IL12RB2: variants seen among roughly 807,000 people sequenced by gnomAD.
IL12RB2 encodes the protein interleukin-12 receptor subunit beta-2.
In IL12RB2, 82 loss-of-function variants were observed where a neutral mutation model predicts 89.4. The ratio of observed to expected loss-of-function variants is 0.92; its 90% CI spans 0.77 to 1.10. IL12RB2 has a LOEUF of 1.10. Among genes scored for constraint, IL12RB2 ranks in the 50% least tolerant of loss-of-function variants. The pLI, the probability that IL12RB2 is intolerant of heterozygous loss-of-function variation, is 0.00. For synonymous variants in IL12RB2, 368 were observed against 370.1 expected (o/e 0.99, Z 0.07); for missense variants, 963 against 1,031.9 (o/e 0.93, Z 0.92).
chr1:67,324,053 C>T (rs1330461406), intron 4 of IL12RB2, among the ~76,000 whole-genome samples: 1 of 151,994 alleles, frequency 6.6e-6, no homozygotes, highest in African/African-American at 2.4e-5. Context: ...ATTACTAATT[C>T]TAAGAGTAAA....
intron 11 of IL12RB2, 112 bp downstream of exon 11, chr1:67,368,137 G>A: frequency 1.4e-6 from 1 of 736,282 alleles, no homozygotes; most frequent in Non-Finnish European, 2.4e-6. Flanking sequence ...TACATGATGA[G>A]AGAGACTGAT....
intron 10 of IL12RB2, among the ~76,000 whole-genome samples, chr1:67,361,816 A>G (rs945231043): frequency 4.6e-5 from 7 of 152,152 alleles, no homozygotes; most frequent in African/African-American, 1.7e-4. Flanking sequence ...AAAGAACACC[A>G]AACAGGGTAA....
chr1:67,372,892 G>A (rs1035016877), intron 13 of IL12RB2, 109 bp downstream of exon 13: 4 of 798,116 alleles, frequency 5.0e-6, no homozygotes, highest in Non-Finnish European at 9.1e-6. Context: ...GCAATGCCTG[G>A]CATATAGTAA....
Position 67,330,679 on chromosome 1 carries a change from A to G in IL12RB2, c.827A>G (p.Lys276Arg). 1 of 1,552,412 alleles carries G rather than the reference A, an allele frequency of 6.4e-7. No individual in the cohort carries two copies. The highest frequency in any genetic ancestry group is 8.9e-7 in the Non-Finnish European group (1 of 1,123,822). Residue 276 changes from lysine to arginine, a missense_variant, in exon 8 of 17, where the codon AAA becomes AGA. Physicochemically the swap from Lys to Arg is conservative, Grantham distance 26. Coordinates refer to ENST00000674203, the MANE Select transcript of IL12RB2 (RefSeq NM_001374259.2). Reference sequence around the variant, plus strand: ...TTCAAGGTTAATGTTACAAAGGCCAAAGGAAGACATGATTTGCTGGATCTG... The same window carrying G: ...TTCAAGGTTAATGTTACAAAGGCCAGAGGAAGACATGATTTGCTGGATCTG... The part of the protein sequence containing the change: ...LWNMVNVTKA[K>R]GRHDLLDLKP...
chr1:67,347,655 T>A (rs1434462838), intron 9 of IL12RB2, among the ~76,000 whole-genome samples: 2 of 152,118 alleles, frequency 1.3e-5, no homozygotes, highest in East Asian at 3.9e-4. Context: ...TTCCCACAGG[T>A]CAGAGCAGAA....
intron 10 of IL12RB2, among the ~76,000 whole-genome samples, chr1:67,352,589 A>G (rs565392135): frequency 1.6e-4 from 24 of 152,346 alleles, no homozygotes; most frequent in Admixed American, 1.2e-3. Context: ...AGGCTCAAAA[A>G]TATATTAAGG....
chr1:67,329,279 G>A (rs1015138121), intron 6 of IL12RB2, among the ~76,000 whole-genome samples: 1 of 152,128 alleles, frequency 6.6e-6, no homozygotes, highest in Non-Finnish European at 1.5e-5. Flanking sequence ...CTTGGGTTTG[G>A]CACATTGGTT....
intron 9 of IL12RB2, among the ~76,000 whole-genome samples, chr1:67,345,454 T>G (rs1479641155): frequency 6.6e-6 from 1 of 152,180 alleles, no homozygotes; most frequent in Non-Finnish European, 1.5e-5. Flanking sequence ...TGCACTGAAG[T>G]GATGAATTCT....
intron 16 of IL12RB2, among the ~76,000 whole-genome samples, chr1:67,393,253 A>G (rs567389611): frequency 1.3e-4 from 20 of 152,318 alleles, no homozygotes; most frequent in African/African-American, 4.6e-4. Flanking sequence ...CTCTGAAGGA[A>G]AAGGCCAAAT....
intron 11 of IL12RB2, among the ~76,000 whole-genome samples, 179 bp downstream of exon 11, chr1:67,368,204 A>G (rs74083604): frequency 1.6e-3 from 238 of 152,352 alleles, no homozygotes; most frequent in African/African-American, 5.2e-3. Flanking sequence ...ATAAATGACC[A>G]ACTGGTTGAC....
At chr1:67,389,430 T>G (rs1665571590) in intron 15 of IL12RB2, among the ~76,000 whole-genome samples, 1 of 152,244 alleles carries the variant, frequency 6.6e-6, no homozygotes, top group African/African-American at 2.4e-5. Flanking sequence ...TCACATGCAT[T>G]TATAAGAAAT....
chr1:67,394,339 C>A (rs1188707649), intron 16 of IL12RB2, among the ~76,000 whole-genome samples: 1 of 151,908 alleles, frequency 6.6e-6, no homozygotes, highest in African/African-American at 2.4e-5. Context: ...GCAAAGAGAC[C>A]CCAATTAAAG....
rs994307702 is a variant in IL12RB2, at chr1:67,397,370, C to G, written c.*1281C>G. 6.6e-6 allele frequency among the ~76,000 whole-genome samples: 1 copy of G among 152,108 alleles called. No homozygotes were observed. Among genetic ancestry groups the G allele is most frequent in the Non-Finnish European group, 1.5e-5 (1 of 68,016 alleles). Reference sequence around the variant, plus strand: ...TTGTTTCCTCTCCTTTTTGCTGCAGCAGGCCCTGCCTTCAGGACCAGGGCT... The same window carrying G: ...TTGTTTCCTCTCCTTTTTGCTGCAGGAGGCCCTGCCTTCAGGACCAGGGCT... On this transcript the variant is annotated 3_prime_UTR_variant, in exon 17 of 17. Transcript: ENST00000674203.
intron 9 of IL12RB2, among the ~76,000 whole-genome samples, chr1:67,343,553 A>G (rs1659894677): frequency 6.6e-6 from 1 of 152,146 alleles, no homozygotes. Context: ...CCCCTTTACA[A>G]AAGGGGGCTT....
Position 67,396,169 on chromosome 1 carries a change from C to G in IL12RB2, c.*80C>G. On this transcript the variant is annotated 3_prime_UTR_variant, in exon 17 of 17. Transcript: ENST00000674203. ...CCAATTCCCCCAGCCCCTGCTCCAG[C>G]AGCTGTCATCTCTGGGTGCCACCAT... The G allele has an allele frequency of 1.1e-6, 1 of 880,818 alleles. No homozygotes were observed. Among genetic ancestry groups the G allele is most frequent in the South Asian group, 1.3e-5 (1 of 76,422 alleles). 54.6% of individuals were successfully genotyped at this position (880,818 alleles called of 1,614,324 possible). A position where few individuals can be genotyped will look rare whatever the true frequency, so the allele number is the denominator to read the frequency against.
intron 3 of IL12RB2, among the ~76,000 whole-genome samples, chr1:67,320,929 C>T (rs1656422504): frequency 6.7e-6 from 1 of 149,400 alleles, no homozygotes; most frequent in African/African-American, 2.5e-5. Context: ...TGATGCCCAC[C>T]CCCACCCCCG....
chr1:67,359,884 GC>G (rs1661804733), intron 10 of IL12RB2, among the ~76,000 whole-genome samples: 1 of 151,854 alleles, frequency 6.6e-6, no homozygotes. Context: ...GCAAGCCACT[GC>G]CCCGAAAATT....
chr1:67,386,938 AT>A (rs1302714761), intron 15 of IL12RB2, among the ~76,000 whole-genome samples: 2 of 142,474 alleles, frequency 1.4e-5, no homozygotes, highest in Non-Finnish European at 1.5e-5. Flanking sequence ...CCCCAAAAAA[AT>A]TTTTTTGAGA....
rs1475315532 is a variant in IL12RB2, at chr1:67,330,763, G to A, written c.911G>A (p.Ser304Asn). The A allele has an allele frequency of 2.5e-6, 4 of 1,569,696 alleles. No individual in the cohort carries two copies. Among genetic ancestry groups the A allele is most frequent in the South Asian group, 2.2e-5 (2 of 90,196 alleles). ...ISSKLHLYKGSWSDWSESLRA... is the reference protein window; with the variant it reads ...ISSKLHLYKGNWSDWSESLRA... Reference sequence around the variant, plus strand: ...TCTAAGCTACATCTTTATAAGGGAAGTTGGAGTGATTGGAGTGAATCATTG... The same window carrying A: ...TCTAAGCTACATCTTTATAAGGGAAATTGGAGTGATTGGAGTGAATCATTG... The change falls in exon 8 of 17, where the codon AGT becomes AAT. Residue 304 changes from serine (S) to asparagine (N), a missense_variant. Transcript: ENST00000674203.
Sources: gnomAD v4.1 joint callset for allele counts (sites outside exome capture counted in the v4.1 genomes callset) on GRCh38, gnomAD v4.1.1 for gene constraint, MANE v1.5 for transcripts, NCBI Gene and HGNC (gene_info 2026-07-23, HGNC 2026-07-21) for gene names.